The following FSTL4 variants were observed in gnomAD, a reference collection of about 807,000 sequenced individuals.
The protein encoded by FSTL4 is follistatin like 4.
A neutral mutation model predicts 78.2 loss-of-function variants in FSTL4; 28 were observed. The observed-to-expected ratio is 0.36, with a 90% CI of 0.27 to 0.49. The LOEUF (loss-of-function observed/expected upper bound fraction) is 0.49. FSTL4 is among the 20% of genes least tolerant of loss of function. FSTL4 has a pLI of 0.98. For synonymous variants in FSTL4, 422 were observed against 440.5 expected (o/e 0.96, Z 0.53); for missense variants, 922 against 1,084.9 (o/e 0.85, Z 2.11).
At chr5:133,224,094 T>G (rs1751248143) in intron 11 of FSTL4, 96 bp downstream of exon 11, 2 of 924,006 alleles carry the variant, frequency 2.2e-6, no homozygotes, top group Non-Finnish European at 3.5e-6. Context: ...GGCTGCTTTG[T>G]GTGGGAAAGC....
intron 4 of FSTL4, among the ~76,000 whole-genome samples, chr5:133,375,302 A>ATATATATATATATATATATATATATC (rs1755406336): frequency 8.8e-6 from 1 of 113,138 alleles, no homozygotes; most frequent in Non-Finnish European, 2.0e-5. Flanking sequence ...ATATATATAT[A>ATATATATATATATATATATATATATC]TATATATATA....
the FSTL4 span, among the ~76,000 whole-genome samples, chr5:133,650,721 A>G: frequency 6.6e-6 from 1 of 152,188 alleles, no homozygotes; most frequent in African/African-American, 2.4e-5. Flanking sequence ...GGGCAATGTC[A>G]GTCTTCTGAC....
At chr5:133,719,680 A>G in the FSTL4 span, among the ~76,000 whole-genome samples, 1 of 151,564 alleles carries the variant, frequency 6.6e-6, no homozygotes, top group African/African-American at 2.4e-5. Context: ...TCTAAAAAAA[A>G]AAAAAAAAAA....
chr5:133,496,943 T>G (rs1226459119), intron 3 of FSTL4, among the ~76,000 whole-genome samples: 3 of 152,144 alleles, frequency 2.0e-5, no homozygotes, highest in African/African-American at 4.8e-5. Context: ...TCTTCTGGTC[T>G]TAGCCAGCCC....
chr5:133,576,125 A>C (rs1760272620), intron 2 of FSTL4, among the ~76,000 whole-genome samples: 1 of 152,234 alleles, frequency 6.6e-6, no homozygotes, highest in Non-Finnish European at 1.5e-5. Context: ...GTGCTGAGCA[A>C]TATTTTTCAT....
At chr5:133,518,065 A>T (rs1038001219) in intron 3 of FSTL4, among the ~76,000 whole-genome samples, 1 of 152,244 alleles carries the variant, frequency 6.6e-6, no homozygotes, top group Non-Finnish European at 1.5e-5. Flanking sequence ...CCAAGTGGAC[A>T]TACAAAATTA....
At chr5:133,675,937 G>A in the FSTL4 span, among the ~76,000 whole-genome samples, 1 of 152,184 alleles carries the variant, frequency 6.6e-6, no homozygotes, top group African/African-American at 2.4e-5. Flanking sequence ...GAGTCTGACA[G>A]GCCCTGGGAC....
chr5:133,776,946 G>T, the FSTL4 span, among the ~76,000 whole-genome samples: 2 of 152,082 alleles, frequency 1.3e-5, no homozygotes, highest in African/African-American at 2.4e-5. Context: ...ACCCCTTTGT[G>T]CCTAAATGAC....
chr5:133,521,917 G>T (rs1758989355), intron 3 of FSTL4, among the ~76,000 whole-genome samples: 1 of 152,184 alleles, frequency 6.6e-6, no homozygotes, highest in Admixed American at 6.5e-5. Flanking sequence ...TTTATAAACT[G>T]CAGGGTTGTC....
At chr5:133,447,971 T>A (rs577709267) in intron 3 of FSTL4, among the ~76,000 whole-genome samples, 9 of 152,334 alleles carry the variant, frequency 5.9e-5, no homozygotes, top group African/African-American at 2.2e-4. Context: ...CAAGATTTTT[T>A]AATTTCAGGT....
the FSTL4 span, among the ~76,000 whole-genome samples, chr5:133,681,513 A>T: frequency 6.6e-6 from 1 of 152,190 alleles, no homozygotes; most frequent in Non-Finnish European, 1.5e-5. Context: ...TGTAAGAGTG[A>T]TTTACTCATT....
chr5:133,452,579 T>G (rs1757406774), intron 3 of FSTL4, among the ~76,000 whole-genome samples: 1 of 152,254 alleles, frequency 6.6e-6, no homozygotes, highest in Non-Finnish European at 1.5e-5. Flanking sequence ...TATTAACTCA[T>G]TTAATCCTCA....
the FSTL4 span, among the ~76,000 whole-genome samples, chr5:133,664,474 C>T: frequency 6.6e-6 from 1 of 152,142 alleles, no homozygotes; most frequent in African/African-American, 2.4e-5. Context: ...GAGGCTGGCA[C>T]GAGGTGAGTC....
intron 4 of FSTL4, among the ~76,000 whole-genome samples, chr5:133,397,880 C>T (rs1756109979): frequency 6.6e-6 from 1 of 152,168 alleles, no homozygotes; most frequent in Non-Finnish European, 1.5e-5. Flanking sequence ...TTTTTGCTTG[C>T]ATGAAAAACA....
intron 6 of FSTL4, among the ~76,000 whole-genome samples, chr5:133,260,331 G>A (rs1325579696): frequency 1.3e-5 from 2 of 152,114 alleles, no homozygotes; most frequent in African/African-American, 4.8e-5. Context: ...AATATAACTT[G>A]TTTTCTGTTT....
At chr5:133,809,609 G>GAA in the FSTL4 span, among the ~76,000 whole-genome samples, 2,380 of 136,964 alleles carry the variant, frequency 0.017, 59 homozygotes, top group African/African-American at 0.059. Context: ...ACCAAAAATG[G>GAA]AAAAAAAAAA....
intron 3 of FSTL4, among the ~76,000 whole-genome samples, chr5:133,448,412 G>A (rs1757310038): frequency 6.6e-6 from 1 of 152,224 alleles, no homozygotes; most frequent in Non-Finnish European, 1.5e-5. Context: ...GTGCAGGTGT[G>A]TGGACGGCTC....
At chr5:133,674,937 G>T in the FSTL4 span, among the ~76,000 whole-genome samples, 1 of 152,106 alleles carries the variant, frequency 6.6e-6, no homozygotes, top group East Asian at 1.9e-4. Flanking sequence ...TGTTTCAGGC[G>T]CTAATTTAGG....
At chr5:133,337,980 C>T (rs946140702) in intron 4 of FSTL4, among the ~76,000 whole-genome samples, 2 of 152,046 alleles carry the variant, frequency 1.3e-5, no homozygotes, top group Non-Finnish European at 2.9e-5. Flanking sequence ...ATTGTGTGGC[C>T]TTAGATGAGG....
Sources: allele counts gnomAD v4.1 joint callset (sites outside exome capture counted in the v4.1 genomes callset), GRCh38; gene constraint gnomAD v4.1.1; transcripts MANE v1.5; gene names NCBI Gene and HGNC (gene_info 2026-07-23, HGNC 2026-07-21).